The following SRSF9 variants were observed in gnomAD, a reference collection of about 807,000 sequenced individuals.
The protein encoded by SRSF9 is serine/arginine-rich splicing factor 9.
A neutral mutation model predicts 25.9 loss-of-function variants in SRSF9; 3 were observed. That is an observed-to-expected ratio of 0.12 (90% CI 0.05 to 0.30). The LOEUF (loss-of-function observed/expected upper bound fraction) is 0.30. Ranked by LOEUF, SRSF9 falls within the 10% of genes least tolerant of loss-of-function variation. SRSF9 has a pLI of 1.00. For missense variants in SRSF9, 161 were observed against 303.5 expected (o/e 0.53, Z 3.49); for synonymous variants, 114 against 113.2 (o/e 1.01, Z -0.05).
intron 3 of SRSF9, chr12:120,463,405 T>C (rs1358917285): frequency 1.3e-5 from 2 of 151,500 alleles, no homozygotes; most frequent in Non-Finnish European, 2.9e-5. Flanking sequence ...GTCTCTAAAA[T>C]CAAAAATTAG....
chr12:120,462,571 G>A (rs570791352), intron 3 of SRSF9: 1 of 161,408 alleles, frequency 6.2e-6, no homozygotes, highest in Admixed American at 6.2e-5. Context: ...TATGGAAGGA[G>A]CTAGCCTGTA....
intron 3 of SRSF9, chr12:120,463,736 T>C (rs1592991163): frequency 2.0e-6 from 1 of 509,782 alleles, no homozygotes; most frequent in East Asian, 3.1e-5. Context: ...GAATAAAGCA[T>C]ATTAAAAAAC....
chr12:120,467,183 C>G (rs1230064034), intron 1 of SRSF9, among the ~76,000 whole-genome samples: 1 of 95,040 alleles, frequency 1.1e-5, no homozygotes, highest in Non-Finnish European at 2.0e-5. Flanking sequence ...GGCAGAACTG[C>G]TAGGAGGTCA....
In SRSF9 at chr12:120,469,494, C is replaced by G. The variant is rs764890661; in HGVS notation, c.116G>C (p.Arg39Pro). The change falls in exon 1 of 4, where the codon CGC becomes CCC. Residue 39 changes from arginine to proline, a missense_variant. Arg to Pro is a moderately radical substitution (Grantham distance 103). This residue lies in a region of SRSF9 where 99 missense variants were observed against 156.7 expected (regional missense o/e 0.63). Coordinates refer to ENST00000229390, the MANE Select transcript of SRSF9 (RefSeq NM_003769.3). ...GTTCTTGAGCTCGATCTCGCGGATG[C>G]GGCCGTACTTGTAGAACAGGTCCTC... is the stretch of plus-strand genomic sequence containing the variant. ...DLEDLFYKYGRIREIELKNRH... is the reference protein window; with the variant it reads ...DLEDLFYKYGPIREIELKNRH... The G allele has an allele frequency of 6.2e-7, 1 of 1,602,260 alleles. No individual in the cohort carries two copies. Among genetic ancestry groups the G allele is most frequent in the South Asian group, 1.1e-5 (1 of 89,510 alleles).
chr12:120,463,701 CTG>C (rs1878417712), intron 3 of SRSF9: 3 of 363,504 alleles, frequency 8.3e-6, no homozygotes, highest in Admixed American at 4.3e-5. Flanking sequence ...CATGACCAAA[CTG>C]TGTAATGTGA....
In SRSF9 at chr12:120,465,829, T is replaced by A. The variant is rs373221559; in HGVS notation, c.189-42A>T. ...CAACAAAAAAAACGTTTGGAGTTAGTGCTGTTCAGGAGGCCAAGTGACTTT... is the reference window on the plus strand; with the variant it reads ...CAACAAAAAAAACGTTTGGAGTTAGAGCTGTTCAGGAGGCCAAGTGACTTT... On this transcript the variant is annotated intron_variant, in intron 1 of 3. Coordinates refer to ENST00000229390, the MANE Select transcript of SRSF9 (RefSeq NM_003769.3). 9 of 1,553,050 alleles carry A rather than the reference T, an allele frequency of 5.8e-6. No individual in the cohort carries two copies. The South Asian group carries it at 8.9e-5, about 15-fold the overall frequency.
chr12:120,467,345 A>G (rs1422759116), intron 1 of SRSF9, among the ~76,000 whole-genome samples: 1 of 152,118 alleles, frequency 6.6e-6, no homozygotes, highest in East Asian at 1.9e-4. Context: ...TACTAAAAAG[A>G]TAAAAATTAG....
intron 1 of SRSF9, among the ~76,000 whole-genome samples, chr12:120,466,805 G>A (rs1287782331): frequency 6.6e-6 from 1 of 152,190 alleles, no homozygotes; most frequent in East Asian, 1.9e-4. Context: ...AAAGTGCTAG[G>A]ATTACAGGCA....
intron 1 of SRSF9, among the ~76,000 whole-genome samples, chr12:120,466,270 T>C (rs951350096): frequency 6.6e-6 from 1 of 152,126 alleles, no homozygotes; most frequent in Admixed American, 6.5e-5. Flanking sequence ...TCCCAGCTAC[T>C]TGAGAGGCTG....
In SRSF9 at chr12:120,465,689, C is replaced by A; in HGVS notation, c.287G>T (p.Trp96Leu). The A allele has an allele frequency of 6.2e-7, 1 of 1,603,292 alleles. No homozygotes were observed. The highest frequency in any genetic ancestry group is 8.5e-7 in the Non-Finnish European group (1 of 1,176,496). The change falls in exon 2 of 4, where the codon TGG becomes TTG. Residue 96 changes from tryptophan (W) to leucine (L), a missense_variant. Transcript: ENST00000229390. ...AGGCCCATTCCTCCCACCACGGGGC[C>A]ACCCACCCCGACCTCCATAAGTCCT... ...FPRTYGGRGG[W>L]PRGGRNGPPT...
chr12:120,463,262 A>T (rs1878402181), intron 3 of SRSF9: 1 of 152,162 alleles, frequency 6.6e-6, no homozygotes, highest in Non-Finnish European at 1.5e-5. Context: ...TGACATAATC[A>T]ACCACAAGAA....
Position 120,462,255 on chromosome 12 carries a change from T to C in SRSF9, c.523-93A>G, listed in dbSNP as rs369508115. On this transcript the variant is annotated intron_variant, in intron 3 of 3. Coordinates refer to ENST00000229390, the MANE Select transcript of SRSF9 (RefSeq NM_003769.3). ...AACATCTAACAATAATAGTTAAGTA[T>C]TGAGCACTTACTGTGTACTCTGTGC... is the stretch of plus-strand genomic sequence containing the variant. 5,064 of 1,383,226 alleles carry C rather than the reference T, an allele frequency of 3.7e-3. 243 individuals carry two copies. The South Asian group carries it at 0.065, about 18-fold the overall frequency. 85.7% of individuals were successfully genotyped at this position (1,383,226 alleles called of 1,614,324 possible).
chr12:120,467,887 G>A (rs544885857), intron 1 of SRSF9, among the ~76,000 whole-genome samples: 1 of 145,030 alleles, frequency 6.9e-6, no homozygotes, highest in Non-Finnish European at 1.5e-5. Flanking sequence ...TTGAGGTTAG[G>A]AGTTCAAGAC....
At chr12:120,466,695 C>G (rs986934897) in intron 1 of SRSF9, among the ~76,000 whole-genome samples, 1 of 152,080 alleles carries the variant, frequency 6.6e-6, no homozygotes, top group African/African-American at 2.4e-5. Flanking sequence ...TACCACTGCA[C>G]CCAGCTAATT....
intron 2 of SRSF9, chr12:120,464,332 T>G (rs578253126): frequency 3.2e-5 from 16 of 493,726 alleles, no homozygotes; most frequent in Non-Finnish European, 5.2e-5. Context: ...TTTAAGTTCA[T>G]CTTCCAGAGA....
intron 1 of SRSF9, among the ~76,000 whole-genome samples, chr12:120,468,292 A>C (rs985260574): frequency 6.6e-6 from 1 of 152,004 alleles, no homozygotes; most frequent in Admixed American, 6.6e-5. Flanking sequence ...ATAAGAAGGA[A>C]AGAAAAAAAG....
chr12:120,462,398 C>T, intron 3 of SRSF9: 1 of 388,910 alleles, frequency 2.6e-6, no homozygotes, highest in East Asian at 4.4e-5. Flanking sequence ...CAAGGTAACA[C>T]AATAAATGCC....
At chr12:120,465,852 T>A in intron 1 of SRSF9, 65 bp from the exon 2 acceptor site, 2 of 1,488,262 alleles carry the variant, frequency 1.3e-6, no homozygotes, top group Non-Finnish European at 1.8e-6. Context: ...GCCAAGTGAC[T>A]TTCCAAGTGA....
rs148176482 is a variant in SRSF9 at position 120,466,333 on chromosome 12, G to C, written c.189-546C>G. Among the ~76,000 whole-genome samples, 222 of 152,160 alleles carry C rather than the reference G, an allele frequency of 1.5e-3. 1 individual carries two copies. Among genetic ancestry groups the C allele is most frequent in the African/African-American group, 4.9e-3 (203 of 41,516 alleles). On this transcript the variant is annotated intron_variant, in intron 1 of 3. Coordinates refer to ENST00000229390, the MANE Select transcript of SRSF9 (RefSeq NM_003769.3). ...CTACTGTACTCCAGCCTGGGTGACA[G>C]AGACCCTGTCCCAAAAAACAGGAAA...
Sources: allele counts gnomAD v4.1 joint callset (sites outside exome capture counted in the v4.1 genomes callset), GRCh38; gene constraint gnomAD v4.1.1; regional missense constraint gnomAD v4.1.1; transcripts MANE v1.5; gene names NCBI Gene and HGNC (gene_info 2026-07-23, HGNC 2026-07-21).